The following PEBP4 variants were observed in gnomAD, a reference collection of about 807,000 sequenced individuals.
PEBP4 encodes the protein phosphatidylethanolamine-binding protein 4.
In PEBP4, 22 loss-of-function variants were observed where a neutral mutation model predicts 23.9. That is an observed-to-expected ratio of 0.92 (90% confidence interval 0.66 to 1.31). The LOEUF is 1.31. Ranked by LOEUF, PEBP4 falls within the 40% of genes most tolerant of loss-of-function variation. The pLI is 0.00. For missense variants in PEBP4, 324 were observed against 281.7 expected, an observed-to-expected ratio of 1.15 and a Z score of -1.07; for synonymous variants, 112 against 99.3, an observed-to-expected ratio of 1.13 and a Z score of -0.76.
chr8:22,883,623 T>C (rs1440140193), intron 3 of PEBP4, among the ~76,000 whole-genome samples: 3 of 152,232 alleles, frequency 2.0e-5, no homozygotes, highest in African/African-American at 7.2e-5. Context: ...GAACCTTGCG[T>C]GGTGTTACCT....
chr8:22,884,196 C>A (rs1808323757), intron 3 of PEBP4: 1 of 152,230 alleles, frequency 6.6e-6, no homozygotes, highest in African/African-American at 2.4e-5. Flanking sequence ...AGAGCAGACA[C>A]AGGGACCTCT....
chr8:22,861,257 G>T (rs900794486), intron 3 of PEBP4, among the ~76,000 whole-genome samples: 1 of 152,148 alleles, frequency 6.6e-6, no homozygotes, highest in Admixed American at 6.5e-5. Flanking sequence ...AGGGAGAAGT[G>T]GAGGTTCAAT....
chr8:22,727,277 G>T (rs937232143), intron 4 of PEBP4, 57 bp from the exon 5 acceptor site: 2 of 1,564,392 alleles, frequency 1.3e-6, no homozygotes, highest in Non-Finnish European at 8.8e-7. Context: ...TTCAGGCCAC[G>T]TGGGCTCTGC....
At chr8:22,838,710 G>A (rs1171351627) in intron 3 of PEBP4, among the ~76,000 whole-genome samples, 8 of 152,266 alleles carry the variant, frequency 5.3e-5, no homozygotes, top group Non-Finnish European at 8.8e-5. Context: ...CAGGCCTGGC[G>A]CTGAGCTGTG....
At position 22,768,135 on chromosome 8, in the gene PEBP4, T is replaced by C. The variant is rs1192656284; in HGVS notation, c.358-40915A>G. Among the ~76,000 whole-genome samples the C allele has an allele frequency of 2.0e-5, 3 of 152,288 alleles. No homozygotes were observed. In the East Asian group the frequency reaches 5.8e-4, roughly 29 times the overall value. On this transcript the variant is annotated intron_variant, in intron 4 of 6. Coordinates refer to ENST00000256404, the MANE Select transcript of PEBP4 (RefSeq NM_144962.3). ...GAAATTCCCTAAATGCCCTAGGGTC[T>C]TGGGCAAAGACAGTGGGGTGTTGGC...
intron 4 of PEBP4, among the ~76,000 whole-genome samples, chr8:22,792,399 A>G (rs11989681): frequency 0.38 from 57,025 of 151,836 alleles, 10,996 homozygotes; most frequent in Middle Eastern, 0.46. Context: ...AAAGAGCTGG[A>G]GACAAGGGTT....
intron 4 of PEBP4, among the ~76,000 whole-genome samples, chr8:22,752,750 G>A (rs1266606866): frequency 6.6e-6 from 1 of 152,208 alleles, no homozygotes; most frequent in East Asian, 1.9e-4. Flanking sequence ...CCATTATTCT[G>A]GAGAGGCAGG....
At chr8:22,905,907 A>C (rs937014676) in intron 3 of PEBP4, among the ~76,000 whole-genome samples, 6 of 152,184 alleles carry the variant, frequency 3.9e-5, no homozygotes, top group African/African-American at 1.4e-4. Context: ...GGAGGATGGG[A>C]GCGCCAGATG....
intron 3 of PEBP4, among the ~76,000 whole-genome samples, chr8:22,853,745 T>C (rs1807589551): frequency 6.6e-6 from 1 of 152,220 alleles, no homozygotes; most frequent in Non-Finnish European, 1.5e-5. Flanking sequence ...ACTCCCTCTT[T>C]GGGCCTAATA....
At chr8:22,892,890 A>G (rs1212942241) in intron 3 of PEBP4, among the ~76,000 whole-genome samples, 1 of 152,226 alleles carries the variant, frequency 6.6e-6, no homozygotes, top group African/African-American at 2.4e-5. Context: ...GTACAGAAAG[A>G]GAGAACCCAG....
At chr8:22,734,180 T>A (rs1476813338) in intron 4 of PEBP4, among the ~76,000 whole-genome samples, 1 of 152,188 alleles carries the variant, frequency 6.6e-6, no homozygotes, top group Non-Finnish European at 1.5e-5. Flanking sequence ...CGGAAGGCAC[T>A]GACAGCTCCC....
At chr8:22,909,471 T>G (rs1449427501) in intron 3 of PEBP4, among the ~76,000 whole-genome samples, 1 of 152,184 alleles carries the variant, frequency 6.6e-6, no homozygotes, top group Non-Finnish European at 1.5e-5. Flanking sequence ...TTTCCTCGGC[T>G]GAATCACTTG....
chr8:22,860,209 CAT>C (rs200272561), intron 3 of PEBP4, among the ~76,000 whole-genome samples: 1 of 106,204 alleles, frequency 9.4e-6, no homozygotes, highest in African/African-American at 4.1e-5. Context: ...TATATATACA[CAT>C]ATATGTATAT....
At chr8:22,724,446 C>T (rs1374891197) in intron 6 of PEBP4, among the ~76,000 whole-genome samples, 1 of 152,238 alleles carries the variant, frequency 6.6e-6, no homozygotes, top group Non-Finnish European at 1.5e-5. Context: ...GGCAGGGTGG[C>T]ATTCCAGGGC....
chr8:22,780,512 CA>C (rs1480958761), intron 4 of PEBP4, among the ~76,000 whole-genome samples: 1 of 152,180 alleles, frequency 6.6e-6, no homozygotes, highest in Non-Finnish European at 1.5e-5. Context: ...GCCTGAACTA[CA>C]GATGAAGGTT....
At chr8:22,765,843 ATGGATCACCACCTG>A (rs142582793) in intron 4 of PEBP4, among the ~76,000 whole-genome samples, 2,700 of 125,086 alleles carry the variant, frequency 0.022, 31 homozygotes, top group South Asian at 0.042. Context: ...ACCACCATTC[ATGGATCACCACCTG>A]TGGATCACCA....
chr8:22,876,662 C>A (rs182291161), intron 3 of PEBP4, among the ~76,000 whole-genome samples: 6 of 152,260 alleles, frequency 3.9e-5, no homozygotes, highest in African/African-American at 1.2e-4. Flanking sequence ...ATGTTTATAG[C>A]GCTTGTGTTG....
intron 6 of PEBP4, among the ~76,000 whole-genome samples, chr8:22,724,591 T>C (rs1804584959): frequency 6.6e-6 from 1 of 152,186 alleles, no homozygotes; most frequent in Non-Finnish European, 1.5e-5. Flanking sequence ...AGACCCTGCC[T>C]TACATACCAA....
chr8:22,920,476 C>T (rs1809177152), intron 2 of PEBP4, among the ~76,000 whole-genome samples, 166 bp from the exon 3 acceptor site: 1 of 152,194 alleles, frequency 6.6e-6, no homozygotes, highest in Admixed American at 6.5e-5. Flanking sequence ...CTCCTTGTGC[C>T]TCAGTTTCCT....
Sources: gnomAD v4.1 joint callset for allele counts (sites outside exome capture counted in the v4.1 genomes callset) on GRCh38, gnomAD v4.1.1 for gene constraint, MANE v1.5 for transcripts, NCBI Gene and HGNC (gene_info 2026-07-23, HGNC 2026-07-21) for gene names.